The following OTUD7B variants were observed in gnomAD, a reference collection of about 807,000 sequenced individuals.
OTUD7B encodes the protein OTU domain-containing protein 7B.
A neutral mutation model predicts 82.2 loss-of-function variants in OTUD7B; 34 were observed. That is an observed-to-expected ratio of 0.41 (90% CI 0.31 to 0.55). OTUD7B has a LOEUF of 0.55. Among genes scored for constraint, OTUD7B ranks in the 20% least tolerant of loss-of-function variants. The pLI is 0.20. For synonymous variants in OTUD7B, 398 were observed against 402.7 expected, an observed-to-expected ratio of 0.99 and a Z score of 0.14; for missense variants, 944 against 1,062.1, an observed-to-expected ratio of 0.89 and a Z score of 1.55.
At chr1:150,013,873 G>C (rs1653175277), upstream of OTUD7B, among the ~76,000 whole-genome samples, 1 of 139,868 alleles carries the variant, frequency 7.1e-6, no homozygotes, top group South Asian at 2.3e-4. Context: ...AGTGAGACGA[G>C]ATCGCGCCAC....
the OTUD7B span, among the ~76,000 whole-genome samples, chr1:150,037,926 T>A: frequency 6.6e-6 from 1 of 152,088 alleles, no homozygotes; most frequent in South Asian, 2.1e-4. Context: ...TGGAGTGCAG[T>A]GGTGCAATCA....
chr1:149,968,546 T>A (rs1346722139), intron 3 of OTUD7B, among the ~76,000 whole-genome samples: 1 of 152,190 alleles, frequency 6.6e-6, no homozygotes, highest in Non-Finnish European at 1.5e-5. Context: ...TTCATTTGTA[T>A]GGCTTCAATT....
At chr1:149,998,589 T>A (rs2101920565) in intron 1 of OTUD7B, among the ~76,000 whole-genome samples, 1 of 152,356 alleles carries the variant, frequency 6.6e-6, no homozygotes, top group Non-Finnish European at 1.5e-5. Context: ...AACTTTTCCC[T>A]ATCTATTCCC....
the OTUD7B span, among the ~76,000 whole-genome samples, chr1:150,053,465 C>T: frequency 4.9e-4 from 74 of 151,578 alleles, 2 homozygotes; most frequent in East Asian, 0.011. Context: ...GGCACACTCT[C>T]GGCTCACCGC....
chr1:149,945,347 T>G (rs1181821095), intron 11 of OTUD7B, among the ~76,000 whole-genome samples: 1 of 152,210 alleles, frequency 6.6e-6, no homozygotes, highest in Non-Finnish European at 1.5e-5. Context: ...TCTCCCCCAC[T>G]GCAATCTGAC....
chr1:150,004,521 C>G (rs1652526931), intron 1 of OTUD7B, among the ~76,000 whole-genome samples: 2 of 151,974 alleles, frequency 1.3e-5, no homozygotes, highest in African/African-American at 4.8e-5. Context: ...GATTGTGTCA[C>G]TGCACTCCAG....
the OTUD7B span, among the ~76,000 whole-genome samples, chr1:150,036,786 AT>A: frequency 6.6e-6 from 1 of 152,234 alleles, no homozygotes; most frequent in South Asian, 2.1e-4. Flanking sequence ...GATTAAAATC[AT>A]TAGTTTTTCT....
rs1321750863 is a variant in OTUD7B at position 149,943,448 on chromosome 1, T to C, written c.*409A>G. The C allele has an allele frequency of 5.7e-6, 1 of 175,662 alleles. No individual in the cohort carries two copies. The highest frequency in any genetic ancestry group is 1.2e-5 in the Non-Finnish European group (1 of 83,146). 10.9% of individuals were successfully genotyped at this position (175,662 alleles called of 1,614,324 possible). On this transcript the variant is annotated 3_prime_UTR_variant, in exon 12 of 12. Transcript: ENST00000581312. ...CTCCACCATGTGCTTTTTCCCAACC[T>C]AAAGAACTTTGGTTTTATTGACTGA...
chr1:150,013,644 T>C (rs1653165989), upstream of OTUD7B, among the ~76,000 whole-genome samples: 1 of 151,972 alleles, frequency 6.6e-6, no homozygotes, highest in African/African-American at 2.4e-5. Flanking sequence ...AGGGCTCGGC[T>C]GGGAGCAGTG....
At chr1:149,968,246 G>C (rs587728447) in intron 3 of OTUD7B, among the ~76,000 whole-genome samples, 17 of 123,334 alleles carry the variant, frequency 1.4e-4, no homozygotes, top group African/African-American at 5.1e-4. Flanking sequence ...CCTGACAACA[G>C]AGCAAGACCC....
intron 11 of OTUD7B, among the ~76,000 whole-genome samples, chr1:149,946,358 C>T (rs1048121405): frequency 2.6e-5 from 4 of 151,948 alleles, no homozygotes; most frequent in Admixed American, 1.3e-4. Context: ...AGCAAGATTC[C>T]GTCTCAAAAA....
the OTUD7B span, among the ~76,000 whole-genome samples, chr1:150,017,039 A>G: frequency 2.0e-5 from 3 of 152,248 alleles, no homozygotes; most frequent in Non-Finnish European, 2.9e-5. Context: ...ACTGGAATTT[A>G]GCAATTGCCT....
Position 149,977,423 on chromosome 1 carries a change from C to T in OTUD7B, c.85+3G>A, listed in dbSNP as rs1553778813. On this transcript the variant is annotated splice_donor_region_variant and intron_variant, in intron 2 of 11. Coordinates refer to ENST00000581312, the MANE Select transcript of OTUD7B (RefSeq NM_020205.4). ...TTTCTCATTCTCCCCTACAACTCCT[C>T]ACCTTCTAGGAGATCTCGCGCTAGC... The T allele has an allele frequency of 6.2e-7, 1 of 1,605,824 alleles. No homozygotes were observed. The highest frequency in any genetic ancestry group is 1.7e-5 in the Admixed American group (1 of 60,012).
the OTUD7B span, among the ~76,000 whole-genome samples, chr1:150,032,485 A>G: frequency 6.8e-6 from 1 of 146,154 alleles, no homozygotes; most frequent in Non-Finnish European, 1.5e-5. Flanking sequence ...AAAAAAAAAA[A>G]ATAGCCAGGT....
rs141532217 is a variant in OTUD7B, at chr1:149,953,037, A to G, written c.846-2816T>C. Reference sequence around the variant, plus strand: ...ATGGTGGTTTCTTTTGCTGTGCAGAAGCTCTTTAGTTTAATTAGATCCCAT... The same window carrying G: ...ATGGTGGTTTCTTTTGCTGTGCAGAGGCTCTTTAGTTTAATTAGATCCCAT... On this transcript the variant is annotated intron_variant, in intron 7 of 11. Coordinates refer to ENST00000581312, the MANE Select transcript of OTUD7B (RefSeq NM_020205.4). 5.9e-3 allele frequency among the ~76,000 whole-genome samples: 903 copies of G among 152,206 alleles called. 70 individuals carry two copies. The East Asian group carries it at 0.15, about 26-fold the overall frequency.
intron 7 of OTUD7B, among the ~76,000 whole-genome samples, chr1:149,959,169 A>G (rs587599494): frequency 5.9e-5 from 9 of 151,912 alleles, no homozygotes; most frequent in African/African-American, 2.2e-4. Flanking sequence ...TGCAGTGAGC[A>G]GAGATCACAC....
rs782534716 is a variant in OTUD7B at position 149,944,629 on chromosome 1, T to C, written c.1760A>G (p.Lys587Arg). 1.9e-6 allele frequency: 3 copies of C among 1,613,916 alleles called. No homozygotes were observed. The highest frequency in any genetic ancestry group is 2.2e-5 in the East Asian group (1 of 44,886). ...PAESVGNGGS[K>R]YSQEVMQSLS... is the part of the protein sequence containing the mutation. ...GCTCTGCATCACCTCCTGGCTATAC[T>C]TGCTCCCTCCGTTACCAACAGACTC... The change falls in exon 12 of 12, where the codon AAG becomes AGG. Residue 587 changes from lysine (K) to arginine (R), a missense_variant. Coordinates refer to ENST00000581312, the MANE Select transcript of OTUD7B (RefSeq NM_020205.4).
chr1:150,027,441 G>A, the OTUD7B span, among the ~76,000 whole-genome samples: 1 of 152,058 alleles, frequency 6.6e-6, no homozygotes, highest in Non-Finnish European at 1.5e-5. Flanking sequence ...CAAAAAATTA[G>A]CTGGGCATGG....
chr1:150,027,122 T>G, the OTUD7B span, among the ~76,000 whole-genome samples: 1 of 152,162 alleles, frequency 6.6e-6, no homozygotes, highest in Non-Finnish European at 1.5e-5. Context: ...TCTGTTGTGT[T>G]GTATTGGGCT....
Sources: allele counts gnomAD v4.1 joint callset (sites outside exome capture counted in the v4.1 genomes callset), GRCh38; gene constraint gnomAD v4.1.1; transcripts MANE v1.5; gene names NCBI Gene and HGNC (gene_info 2026-07-23, HGNC 2026-07-21).